TAF1B: variants seen among roughly 807,000 people sequenced by gnomAD.
TAF1B encodes TATA-box binding protein associated factor, RNA polymerase I subunit B, also known as TATA box-binding protein-associated factor RNA polymerase I subunit B.
TAF1B carries 61 observed loss-of-function variants against 83.9 expected under a neutral mutation model. The observed-to-expected ratio is 0.73, with a 90% CI of 0.59 to 0.90. The LOEUF is 0.90. Among genes scored for constraint, TAF1B ranks in the 40% least tolerant of loss-of-function variants. The pLI is 0.00. For synonymous variants in TAF1B, 221 were observed against 224.6 expected (o/e 0.98, Z 0.14); for missense variants, 625 against 677.0 (o/e 0.92, Z 0.85).
At chr2:9,857,621 A>G (rs1484933650) in intron 5 of TAF1B, among the ~76,000 whole-genome samples, 2 of 152,154 alleles carry the variant, frequency 1.3e-5, no homozygotes, top group Non-Finnish European at 2.9e-5. Context: ...TTTCTAAACA[A>G]AAGAAGTTTA....
intron 3 of TAF1B, among the ~76,000 whole-genome samples, chr2:9,851,179 T>C (rs1384945249): frequency 1.3e-5 from 2 of 152,174 alleles, no homozygotes; most frequent in African/African-American, 2.4e-5. Flanking sequence ...TTCGGGAAAA[T>C]AGACATTTTT....
At chr2:9,889,037 G>C (rs1052000214) in intron 8 of TAF1B, among the ~76,000 whole-genome samples, 5 of 151,474 alleles carry the variant, frequency 3.3e-5, no homozygotes, top group African/African-American at 9.7e-5. Flanking sequence ...CCTGACCTCA[G>C]GTGATCCACC....
At chr2:9,911,578 T>C in intron 11 of TAF1B, 21 bp downstream of exon 11, 1 of 1,477,074 alleles carries the variant, frequency 6.8e-7, no homozygotes, top group African/African-American at 1.4e-5. Flanking sequence ...TTTTTATCAT[T>C]CAAATTCAAA....
chr2:9,875,975 T>G lies in TAF1B; in HGVS notation c.664T>G (p.Leu222Val), dbSNP rs774051098. 6.7e-5 allele frequency: 108 copies of G among 1,612,868 alleles called. No individual in the cohort carries two copies. Among genetic ancestry groups the G allele is most frequent in the Admixed American group, 3.0e-4 (18 of 59,992 alleles). Residue 222 changes from leucine (L) to valine (V), a missense_variant, in exon 7 of 15, where the codon TTA (leucine) becomes GTA (valine). Physicochemically the swap from Leu to Val is conservative, Grantham distance 32. Transcript: ENST00000263663. Reference protein sequence around the residue: ...PQTLAFCYLSLLWQREAITLS... With the variant: ...PQTLAFCYLSVLWQREAITLS... ...GACACTTGCCTTCTGTTATCTGTCC[T>G]TACTTTGGCAGAGAGAAGCAATAAC... is the stretch of plus-strand genomic sequence containing the variant.
rs561825550 is a variant in TAF1B, at chr2:9,919,658, G to GA, written c.1411dup (p.Ser471LysfsTer11). On this transcript the variant is annotated frameshift_variant, in exon 14 of 15. Transcript: ENST00000263663. LOFTEE classifies it high-confidence loss of function. ...CTGGTCGAGTCAACAGCAACTGCTG[G>GA]AAAAAAAAGCCCTTCAAGTTTTCAG... The GA allele has an allele frequency of 2.7e-4, 442 of 1,613,174 alleles. No homozygotes were observed. Among genetic ancestry groups the GA allele is most frequent in the Non-Finnish European group, 3.4e-4 (398 of 1,179,514 alleles).
At chr2:9,880,426 CT>C (rs6146620) in intron 7 of TAF1B, among the ~76,000 whole-genome samples, 865 of 75,008 alleles carry the variant, frequency 0.012, 6 homozygotes, top group African/African-American at 0.034. Context: ...GAGTAAGCAG[CT>C]TTTTTTTTTT....
rs148149558 is a variant in TAF1B, at chr2:9,862,703, G to A, written c.400-5573G>A. 6.7e-3 allele frequency among the ~76,000 whole-genome samples: 1,014 copies of A among 152,284 alleles called. 17 individuals are homozygous for A. The highest frequency in any genetic ancestry group is 0.022 in the African/African-American group (934 of 41,554). ...TAAGGGCAGCCAGAGAGAAAGGTCG[G>A]GTTACCCACAAAGGGAAGCCCATCA... On this transcript the variant is annotated intron_variant, in intron 5 of 14. Transcript: ENST00000263663.
intron 5 of TAF1B, among the ~76,000 whole-genome samples, chr2:9,859,137 C>T (rs1338053943): frequency 6.6e-6 from 1 of 152,226 alleles, no homozygotes; most frequent in Non-Finnish European, 1.5e-5. Context: ...TGTGAACACA[C>T]ATGACTGAAT....
At chr2:9,867,628 C>T (rs1664029591) in intron 5 of TAF1B, among the ~76,000 whole-genome samples, 1 of 152,152 alleles carries the variant, frequency 6.6e-6, no homozygotes, top group Non-Finnish European at 1.5e-5. Flanking sequence ...ATCGGTTTGC[C>T]TGGGTAATGT....
intron 7 of TAF1B, among the ~76,000 whole-genome samples, chr2:9,879,660 G>T (rs1664433872): frequency 6.6e-6 from 1 of 152,172 alleles, no homozygotes. Flanking sequence ...GAGAGTTCGT[G>T]TGACTGGAGT....
Position 9,924,195 on chromosome 2 carries a change from G to A in TAF1B, c.1565+4375G>A, listed in dbSNP as rs146895781. 3.9e-3 allele frequency among the ~76,000 whole-genome samples: 597 copies of A among 152,212 alleles called. 3 individuals are homozygous for A. The highest frequency in any genetic ancestry group is 0.013 in the African/African-American group (555 of 41,518). ...CTGTTCTAGACCAGAGCCTAGAACTGCAGAGGAAGCAAAAAAGGCTTCAGC... is the reference window on the plus strand; with the variant it reads ...CTGTTCTAGACCAGAGCCTAGAACTACAGAGGAAGCAAAAAAGGCTTCAGC... On this transcript the variant is annotated intron_variant, in intron 14 of 14. Transcript: ENST00000263663.
At chr2:9,915,121 A>G (rs1665644060) in intron 12 of TAF1B, among the ~76,000 whole-genome samples, 1 of 152,224 alleles carries the variant, frequency 6.6e-6, no homozygotes, top group South Asian at 2.1e-4. Context: ...AGATGTTGAG[A>G]AGAACATGGA....
Position 9,845,235 on chromosome 2 carries a change from C to A in TAF1B, c.34C>A (p.Arg12Ser), listed in dbSNP as rs750356942. ...TCTCCCATAGGAAGAGTTTAAAGAA[C>A]GCTGTACTCAGTGTGCTGCTGTCTC... ...DLEEAEEFKERCTQCAAVSWG... is the reference protein window; with the variant it reads ...DLEEAEEFKESCTQCAAVSWG... Residue 12 changes from arginine (R) to serine (S), a missense_variant, in exon 2 of 15, where the codon CGC becomes AGC. Transcript: ENST00000263663. 4 of 1,613,562 alleles carry A rather than the reference C, an allele frequency of 2.5e-6. No homozygotes were observed. The highest frequency in any genetic ancestry group is 1.6e-4 in the Middle Eastern group (1 of 6,080).
At chr2:9,863,564 C>T (rs1038193444) in intron 5 of TAF1B, among the ~76,000 whole-genome samples, 115 of 152,242 alleles carry the variant, frequency 7.6e-4, no homozygotes, top group African/African-American at 2.7e-3. Flanking sequence ...CAAGGATATC[C>T]AGGAATTGAA....
chr2:9,848,861 T>C (rs1213744013), intron 2 of TAF1B, among the ~76,000 whole-genome samples: 2 of 152,222 alleles, frequency 1.3e-5, no homozygotes, highest in Non-Finnish European at 2.9e-5. Flanking sequence ...TTAGTCATTC[T>C]AAAGTTCTCT....
At chr2:9,879,838 G>C (rs1348762551) in intron 7 of TAF1B, among the ~76,000 whole-genome samples, 1 of 152,112 alleles carries the variant, frequency 6.6e-6, no homozygotes, top group African/African-American at 2.4e-5. Context: ...TTTTCAATAT[G>C]TTTTCAAAGT....
intron 8 of TAF1B, among the ~76,000 whole-genome samples, chr2:9,895,749 C>T (rs1664997690): frequency 6.7e-6 from 1 of 149,290 alleles, no homozygotes; most frequent in South Asian, 2.1e-4. Context: ...TTTGCATTAG[C>T]TTTTTCTCAG....
chr2:9,905,297 G>A (rs1665307302), intron 9 of TAF1B, among the ~76,000 whole-genome samples: 2 of 152,148 alleles, frequency 1.3e-5, no homozygotes, highest in Admixed American at 6.5e-5. Flanking sequence ...TGCAAGTAAA[G>A]TACCAAATGT....
At chr2:9,920,602 C>T (rs959203586) in intron 14 of TAF1B, among the ~76,000 whole-genome samples, 4 of 151,420 alleles carry the variant, frequency 2.6e-5, no homozygotes, top group Non-Finnish European at 4.4e-5. Flanking sequence ...GTCCATTTGC[C>T]CCTCAGGTGT....
Sources: allele counts gnomAD v4.1 joint callset (sites outside exome capture counted in the v4.1 genomes callset), GRCh38; gene constraint gnomAD v4.1.1; transcripts MANE v1.5; gene names NCBI Gene and HGNC (gene_info 2026-07-23, HGNC 2026-07-21).